Variants in MTMR7 observed in about 807,000 individuals in gnomAD.
The protein encoded by MTMR7 is myotubularin related protein 7.
Under a neutral mutation model 81.2 loss-of-function variants are expected in MTMR7, and 76 were observed. That is an observed-to-expected ratio of 0.94 (90% CI 0.78 to 1.13). The LOEUF (loss-of-function observed/expected upper bound fraction) is 1.13. Ranked by LOEUF, MTMR7 falls within the 50% of genes most tolerant of loss-of-function variation. The probability of loss-of-function intolerance (pLI) is 0.00; values close to 1 mark genes in which losing one functional copy is unlikely to be tolerated. For synonymous variants in MTMR7, 372 were observed against 289.8 expected, an observed-to-expected ratio of 1.28 and a Z score of -2.88; for missense variants, 1,044 against 820.0, an observed-to-expected ratio of 1.27 and a Z score of -3.34.
intron 3 of MTMR7, among the ~76,000 whole-genome samples, chr8:17,363,774 A>T (rs1820129994): frequency 6.6e-6 from 1 of 152,096 alleles, no homozygotes; most frequent in Admixed American, 6.5e-5. Flanking sequence ...ACTCTAAGAA[A>T]TCGAAAAGCG....
In MTMR7 at chr8:17,305,903, G is replaced by GAACT. The variant is rs1817421342; in HGVS notation, c.1202_1205dup (p.Phe402LeufsTer4). The GAACT allele has an allele frequency of 6.2e-7, 1 of 1,613,638 alleles. No individual in the cohort carries two copies. The highest frequency in any genetic ancestry group is 1.1e-5 in the South Asian group (1 of 91,060). On this transcript the variant is annotated frameshift_variant, in exon 11 of 14. Transcript: ENST00000180173. LOFTEE classifies it high-confidence loss of function. ...CCATTAACTGCCAAACACACTCAAT[G>GAACT]AACTGGTCAATAACTGGAGAGATTT...
chr8:17,307,509 C>T (rs1173022425), intron 10 of MTMR7, among the ~76,000 whole-genome samples: 1 of 152,070 alleles, frequency 6.6e-6, no homozygotes, highest in Non-Finnish European at 1.5e-5. Flanking sequence ...CTAGAAATAC[C>T]ATTTGACCCA....
chr8:17,336,767 C>G (rs879484362), intron 6 of MTMR7, among the ~76,000 whole-genome samples: 1 of 152,148 alleles, frequency 6.6e-6, no homozygotes, highest in Admixed American at 6.5e-5. Context: ...CTGGCCCTGG[C>G]TGCGTCAGAG....
Position 17,349,028 on chromosome 8 carries a change from G to C in MTMR7, c.522C>G (p.His174Gln). 6.2e-7 allele frequency: 1 copy of C among 1,613,024 alleles called. No individual in the cohort carries two copies. The highest frequency in any genetic ancestry group is 8.5e-7 in the Non-Finnish European group (1 of 1,179,848). ...ELYVPKSATAHIIVGSSKFRS... is the reference protein window; with the variant it reads ...ELYVPKSATAQIIVGSSKFRS... ...GGAATTTGGAACTCCCCACTATGAT[G>C]TGTGCCGTGGCCGATTTGGGAACGT... The change falls in exon 5 of 14, where the codon CAC (histidine) becomes CAG (glutamine). Residue 174 changes from histidine to glutamine, a missense_variant. His to Gln is a conservative substitution (Grantham distance 24, BLOSUM62 0). Transcript: ENST00000180173.
chr8:17,311,610 C>T lies in MTMR7; in HGVS notation c.1002G>A (p.Val334=). 6.2e-7 allele frequency: 1 copy of T among 1,614,132 alleles called. No individual in the cohort carries two copies. Among genetic ancestry groups the T allele is most frequent in the Non-Finnish European group, 8.5e-7 (1 of 1,180,012 alleles). ...AKAVSEEGAS[V]LVHCSDGWDR... ...CCCAGCCATCAGAACAGTGAACAAGCACACTTGCCCCTTCCTCTGACACTG... is the reference window on the plus strand; with the variant it reads ...CCCAGCCATCAGAACAGTGAACAAGTACACTTGCCCCTTCCTCTGACACTG... Residue 334 remains valine (V), a synonymous_variant, in exon 9 of 14, where the codon GTG becomes GTA. Coordinates refer to ENST00000180173, the MANE Select transcript of MTMR7 (RefSeq NM_004686.5).
chr8:17,398,200 C>T (rs2106022), intron 1 of MTMR7, among the ~76,000 whole-genome samples: 88,348 of 151,926 alleles, frequency 0.58, 28,017 homozygotes, highest in East Asian at 0.76. Flanking sequence ...CCAAATGAAC[C>T]AAGGCACCAG....
chr8:17,384,579 G>C (rs934471811), intron 1 of MTMR7, among the ~76,000 whole-genome samples: 3 of 152,176 alleles, frequency 2.0e-5, no homozygotes, highest in African/African-American at 4.8e-5. Context: ...AGCTGGCAAA[G>C]TACTCTGACA....
chr8:17,360,928 A>C (rs991411243), intron 4 of MTMR7, among the ~76,000 whole-genome samples, 189 bp downstream of exon 4: 2 of 152,190 alleles, frequency 1.3e-5, no homozygotes, highest in African/African-American at 4.8e-5. Flanking sequence ...TCTGTATAGC[A>C]GGTTCAAACG....
chr8:17,314,571 G>A (rs964821908), intron 7 of MTMR7, among the ~76,000 whole-genome samples: 3 of 152,108 alleles, frequency 2.0e-5, no homozygotes, highest in African/African-American at 7.2e-5. Context: ...CTCCAAGAAT[G>A]CAGATAAGAG....
intron 7 of MTMR7, among the ~76,000 whole-genome samples, chr8:17,318,642 G>C (rs1418893915): frequency 6.6e-6 from 1 of 152,178 alleles, no homozygotes; most frequent in Non-Finnish European, 1.5e-5. Context: ...CAGGTTTCCT[G>C]AGATTCTCTT....
chr8:17,325,278 C>T (rs949658221), intron 7 of MTMR7, among the ~76,000 whole-genome samples: 1 of 152,152 alleles, frequency 6.6e-6, no homozygotes, highest in African/African-American at 2.4e-5. Context: ...GTCATACCCA[C>T]CACGATGGTG....
At chr8:17,340,034 C>G (rs1260571032) in intron 6 of MTMR7, among the ~76,000 whole-genome samples, 1 of 152,216 alleles carries the variant, frequency 6.6e-6, no homozygotes, top group Non-Finnish European at 1.5e-5. Flanking sequence ...TCACCGCAAC[C>G]TCCGCCTCCC....
Position 17,320,593 on chromosome 8 carries a change from CTTCCTGTGAA to C in MTMR7, c.866-7202_866-7193del, listed in dbSNP as rs759175326. On this transcript the variant is annotated intron_variant, in intron 7 of 13. Transcript: ENST00000180173. ...GTACCCAGGGTGCAATTCAAAAAGTCTTCCTGTGAATTCAGGGGTGCATGGACCCAATTGG... is the reference window on the plus strand; with the variant it reads ...GTACCCAGGGTGCAATTCAAAAAGTCTTCAGGGGTGCATGGACCCAATTGG... Among the ~76,000 whole-genome samples the C allele has an allele frequency of 2.7e-3, 413 of 152,250 alleles. 3 individuals are homozygous for C. Among genetic ancestry groups the C allele is most frequent in the Non-Finnish European group, 1.1e-3 (78 of 68,010 alleles).
At chr8:17,342,829 G>T (rs959331549) in intron 5 of MTMR7, among the ~76,000 whole-genome samples, 1 of 152,074 alleles carries the variant, frequency 6.6e-6, no homozygotes, top group African/African-American at 2.4e-5. Flanking sequence ...TCACTCCAGG[G>T]TGGCTCATTC....
At chr8:17,375,397 T>G (rs1398765432) in intron 1 of MTMR7, among the ~76,000 whole-genome samples, 1 of 152,140 alleles carries the variant, frequency 6.6e-6, no homozygotes, top group African/African-American at 2.4e-5. Flanking sequence ...TCTGGAGCAT[T>G]GTGAAATTCC....
chr8:17,392,534 C>CT (rs1269008400), intron 1 of MTMR7, among the ~76,000 whole-genome samples: 5 of 152,252 alleles, frequency 3.3e-5, no homozygotes, highest in African/African-American at 1.2e-4. Flanking sequence ...CTTCTCCATA[C>CT]TTTCATTCCA....
At chr8:17,369,641 CTTTTTTTTTTTTTTT>C (rs71212689) in intron 3 of MTMR7, among the ~76,000 whole-genome samples, 2 of 106,248 alleles carry the variant, frequency 1.9e-5, no homozygotes, top group Non-Finnish European at 3.8e-5. Context: ...TTCTTTTTTT[CTTTTTTTTTTTTTTT>C]TTTTTTTGAA....
chr8:17,344,854 AT>A (rs1819504873), intron 5 of MTMR7, among the ~76,000 whole-genome samples: 1 of 152,140 alleles, frequency 6.6e-6, no homozygotes, highest in Non-Finnish European at 1.5e-5. Context: ...GAAGGTCTGT[AT>A]TTTTCCTAAG....
chr8:17,377,016 T>G lies in MTMR7; in HGVS notation c.25-3776A>C, dbSNP rs550347010. Among the ~76,000 whole-genome samples the G allele has an allele frequency of 1.4e-4, 22 of 152,178 alleles. No individual in the cohort carries two copies. The East Asian group carries it at 4.2e-3, about 29-fold the overall frequency. On this transcript the variant is annotated intron_variant, in intron 1 of 13. Coordinates refer to ENST00000180173, the MANE Select transcript of MTMR7 (RefSeq NM_004686.5). ...CATTATATATTGATATTTTAATTCC[T>G]TGTATTTTTCCCGCCATAATTGTTA...
Sources: allele counts gnomAD v4.1 joint callset (sites outside exome capture counted in the v4.1 genomes callset), GRCh38; gene constraint gnomAD v4.1.1; transcripts MANE v1.5; gene names NCBI Gene and HGNC (gene_info 2026-07-23, HGNC 2026-07-21).